The following ADCY3 variants were observed in gnomAD, a reference collection of about 807,000 sequenced individuals.
ADCY3 encodes adenylate cyclase type 3.
Under a neutral mutation model 119.4 loss-of-function variants are expected in ADCY3, and 70 were observed. The ratio of observed to expected loss-of-function variants is 0.59; its 90% CI spans 0.48 to 0.72. The LOEUF is 0.72. Ranked by LOEUF, ADCY3 falls within the 30% of genes least tolerant of loss-of-function variation. ADCY3 has a pLI of 0.00. For missense variants in ADCY3, 1,238 were observed against 1,541.6 expected (o/e 0.80, Z 3.30); for synonymous variants, 672 against 621.4 (o/e 1.08, Z -1.21).
In ADCY3 at chr2:24,899,436, G is replaced by GTAAAA. The variant is rs1678663116; in HGVS notation, c.675+18876_675+18877insTTTTA. Among the ~76,000 whole-genome samples the GTAAAA allele has an allele frequency of 1.3e-5, 2 of 152,208 alleles. No individual in the cohort carries two copies. The highest frequency in any genetic ancestry group is 2.9e-5 in the Non-Finnish European group (2 of 68,038). ...TGCTGCTGTCACCCCAGCCACCTCT[G>GTAAAA]CCACCAGCCTGCCAGGCAAAACTGT... is the stretch of plus-strand genomic sequence containing the variant. On this transcript the variant is annotated intron_variant, in intron 2 of 21. Transcript: ENST00000679454. The surrounding 1 kb of genome is among the most constrained non-coding windows in gnomAD (Gnocchi z 4.5).
intron 18 of ADCY3, 60 bp from the exon 19 acceptor site, chr2:24,822,690 A>G (rs1667957762): frequency 1.3e-6 from 2 of 1,595,528 alleles, no homozygotes; most frequent in Admixed American, 3.4e-5. Flanking sequence ...GACCCAACCC[A>G]GTGACAGATG....
At chr2:24,859,486 C>T (rs1291074973) in intron 3 of ADCY3, among the ~76,000 whole-genome samples, 2 of 152,192 alleles carry the variant, frequency 1.3e-5, no homozygotes, top group African/African-American at 2.4e-5. Context: ...CCCTACCAAG[C>T]GCCTATAAGA....
rs879673951 is a variant in ADCY3 at position 24,862,567 on chromosome 2, TA to T, written c.825+10002del. The stretch of plus-strand genomic sequence containing the variant: ...CCTCAAAAAAAAAAAATTAATTAAT[TA>T]AAAAAAATAAAAACAAATAAAAATC... On this transcript the variant is annotated intron_variant, in intron 3 of 21. Transcript: ENST00000679454. 1.3e-4 allele frequency among the ~76,000 whole-genome samples: 20 copies of T among 151,342 alleles called. No individual in the cohort carries two copies. In the East Asian group the frequency reaches 1.7e-3, roughly 13 times the overall value.
intron 8 of ADCY3, among the ~76,000 whole-genome samples, 197 bp from the exon 9 acceptor site, chr2:24,837,242 G>A (rs930570413): frequency 1.3e-5 from 2 of 152,176 alleles, no homozygotes; most frequent in African/African-American, 2.4e-5. Flanking sequence ...ATAAAAGGAT[G>A]GAACTGCCAT....
chr2:24,852,089 C>T (rs1331579562), intron 3 of ADCY3, among the ~76,000 whole-genome samples: 1 of 152,208 alleles, frequency 6.6e-6, no homozygotes, highest in African/African-American at 2.4e-5. Context: ...AAGGCCCTGA[C>T]AGTGCGGCTC....
intron 2 of ADCY3, among the ~76,000 whole-genome samples, chr2:24,912,520 C>A (rs1352065740): frequency 2.6e-5 from 4 of 151,544 alleles, no homozygotes; most frequent in Non-Finnish European, 4.4e-5. Context: ...ACCCAGAAGG[C>A]TGGGCAGACC....
Position 24,898,186 on chromosome 2 carries a change from C to T in ADCY3, c.675+20127G>A, listed in dbSNP as rs1389153866. 6.6e-6 allele frequency among the ~76,000 whole-genome samples: 1 copy of T among 152,124 alleles called. No homozygotes were observed. The highest frequency in any genetic ancestry group is 1.5e-5 in the Non-Finnish European group (1 of 68,020). On this transcript the variant is annotated intron_variant, in intron 2 of 21. Coordinates refer to ENST00000679454, the MANE Select transcript of ADCY3 (RefSeq NM_004036.5). This position sits in a 1 kb window ranked among gnomAD's most constrained non-coding sequence, Gnocchi z 4.3. ...GCCCCTCCCCTACTGACCTCAGGATCGAAATCCAACGTGCCCTTCACGGCC... is the reference window on the plus strand; with the variant it reads ...GCCCCTCCCCTACTGACCTCAGGATTGAAATCCAACGTGCCCTTCACGGCC...
At position 24,880,933 on chromosome 2, in the gene ADCY3, T is replaced by G. The variant is rs553024803; in HGVS notation, c.676-8214A>C. Among the ~76,000 whole-genome samples, 27 of 151,876 alleles carry G rather than the reference T, an allele frequency of 1.8e-4. No individual in the cohort carries two copies. In the South Asian group the frequency reaches 3.5e-3, roughly 20 times the overall value. On this transcript the variant is annotated intron_variant, in intron 2 of 21. Transcript: ENST00000679454. ...GGGAGGCTGAGGCAGGAGAATCGCT[T>G]GAACCCGGGAGGCGGAGGTTGCAGT...
At chr2:24,859,760 C>A (rs916486) in intron 3 of ADCY3, among the ~76,000 whole-genome samples, 48,982 of 152,004 alleles carry the variant, frequency 0.32, 8,046 homozygotes, top group South Asian at 0.4. Context: ...TGACCCTGCA[C>A]GTGGGTTAAA....
chr2:24,861,727 C>T (rs1673681448), intron 3 of ADCY3, among the ~76,000 whole-genome samples: 2 of 152,190 alleles, frequency 1.3e-5, no homozygotes, highest in South Asian at 4.1e-4. Flanking sequence ...AGCCCCAATG[C>T]CTTGGGAGGG....
chr2:24,875,630 T>C (rs1008016314), intron 2 of ADCY3, among the ~76,000 whole-genome samples: 4 of 152,170 alleles, frequency 2.6e-5, no homozygotes, highest in African/African-American at 9.7e-5. Context: ...GTGGCAGCAG[T>C]GCTCCCAGGC....
At chr2:24,847,352 C>A (rs1671773778) in intron 3 of ADCY3, among the ~76,000 whole-genome samples, 1 of 152,228 alleles carries the variant, frequency 6.6e-6, no homozygotes, top group South Asian at 2.1e-4. Context: ...ACCTCTTTTT[C>A]TTCCCAATCT....
At position 24,839,884 on chromosome 2, in the gene ADCY3, G is replaced by A. The variant is rs756222218; in HGVS notation, c.1344C>T (p.Gly448=). 1.1e-5 allele frequency: 18 copies of A among 1,613,784 alleles called. No homozygotes were observed. The highest frequency in any genetic ancestry group is 1.0e-4 in the Admixed American group (6 of 60,016). ...DVTVANKMEA[G]GIPGRVHISQ... is the part of the protein sequence containing the mutation. ...GGAATGGCACTCACCCAGGGATGCC[G>A]CCGGCCTCCATCTTGTTGGCTACAG... Residue 448 remains glycine (G), a synonymous_variant, in exon 7 of 22, where the codon GGC becomes GGT. Transcript: ENST00000679454.
chr2:24,882,985 G>A (rs931370892), intron 2 of ADCY3, among the ~76,000 whole-genome samples: 5 of 151,612 alleles, frequency 3.3e-5, no homozygotes, highest in East Asian at 1.9e-4. Flanking sequence ...GCTTGAGCCC[G>A]GGAGGCAGAG....
intron 15 of ADCY3, chr2:24,826,529 A>C (rs1467766617): frequency 6.0e-6 from 1 of 166,862 alleles, no homozygotes; most frequent in Non-Finnish European, 1.3e-5. Context: ...CCTTGTTCAT[A>C]CATATTTTTA....
intron 3 of ADCY3, among the ~76,000 whole-genome samples, chr2:24,868,207 G>A (rs115483771): frequency 2.2e-3 from 329 of 152,184 alleles, no homozygotes; most frequent in African/African-American, 7.7e-3. Context: ...GCACTTCTAC[G>A]TCGCCCATGG....
At chr2:24,894,213 G>T (rs1433928295) in intron 2 of ADCY3, among the ~76,000 whole-genome samples, 1 of 152,196 alleles carries the variant, frequency 6.6e-6, no homozygotes, top group Non-Finnish European at 1.5e-5. Context: ...GCCAAGTGTG[G>T]TGGCTCACAT....
At chr2:24,825,629 T>C in intron 16 of ADCY3, 1 of 186,754 alleles carries the variant, frequency 5.4e-6, no homozygotes, top group South Asian at 1.0e-4. Flanking sequence ...TCTCTTTTCC[T>C]TTTAACCCAA....
At chr2:24,820,985 G>T (rs1226922605) in intron 20 of ADCY3, 137 bp from the exon 21 acceptor site, 6 of 1,270,006 alleles carry the variant, frequency 4.7e-6, no homozygotes, top group Non-Finnish European at 3.3e-6. Flanking sequence ...TTGGCTGTAT[G>T]CTATTGGAGG....
Sources: gnomAD v4.1 joint callset for allele counts (sites outside exome capture counted in the v4.1 genomes callset) on GRCh38, gnomAD v4.1.1 for gene constraint, Gnocchi (gnomAD v3.1) non-coding constraint, MANE v1.5 for transcripts, NCBI Gene and HGNC (gene_info 2026-07-23, HGNC 2026-07-21) for gene names.